Variants in CPNE8 observed in about 807,000 individuals in gnomAD.
The protein encoded by CPNE8 is copine-8.
Under a neutral mutation model 81.5 loss-of-function variants are expected in CPNE8, and 45 were observed. That is an observed-to-expected ratio of 0.55 (90% CI 0.44 to 0.71). CPNE8 has a LOEUF of 0.71. Among genes scored for constraint, CPNE8 ranks in the 30% least tolerant of loss-of-function variants. The pLI is 0.00. For missense variants in CPNE8, 594 were observed against 672.1 expected, an observed-to-expected ratio of 0.88 and a Z score of 1.28; for synonymous variants, 252 against 226.3, an observed-to-expected ratio of 1.11 and a Z score of -1.02.
intron 6 of CPNE8, among the ~76,000 whole-genome samples, chr12:38,819,205 G>A (rs1313325459): frequency 6.6e-6 from 1 of 152,108 alleles, no homozygotes; most frequent in Non-Finnish European, 1.5e-5. Context: ...TGAAGTCTTT[G>A]CCCATGCCTA....
At chr12:38,822,343 ATACT>A (rs1943121082) in intron 6 of CPNE8, among the ~76,000 whole-genome samples, 1 of 152,204 alleles carries the variant, frequency 6.6e-6, no homozygotes, top group South Asian at 2.1e-4. Flanking sequence ...TATTTGGATA[ATACT>A]TACCACTTTA....
At chr12:38,803,688 T>G (rs1330818706) in intron 6 of CPNE8, among the ~76,000 whole-genome samples, 2 of 150,306 alleles carry the variant, frequency 1.3e-5, no homozygotes. Flanking sequence ...AAATAAAGGG[T>G]ATTCAATTAG....
chr12:38,873,115 C>T, intron 2 of CPNE8, 65 bp from the exon 3 acceptor site: 1 of 980,092 alleles, frequency 1.0e-6, no homozygotes, highest in Non-Finnish European at 1.6e-6. Flanking sequence ...TGAATGTATA[C>T]AATTTATTTT....
chr12:38,676,500 T>C (rs1939292949), intron 17 of CPNE8, among the ~76,000 whole-genome samples: 3 of 152,182 alleles, frequency 2.0e-5, no homozygotes, highest in Admixed American at 1.3e-4. Context: ...AAAATAGTAG[T>C]AGTACCATAA....
chr12:38,654,091 A>C (rs1938765338), intron 19 of CPNE8, 21 bp from the exon 20 acceptor site: 1 of 1,574,830 alleles, frequency 6.3e-7, no homozygotes. Flanking sequence ...GACGAAAGAA[A>C]GTTATTTCAC....
At chr12:38,788,766 AG>A (rs1451514752) in intron 6 of CPNE8, among the ~76,000 whole-genome samples, 1 of 151,904 alleles carries the variant, frequency 6.6e-6, no homozygotes, top group African/African-American at 2.4e-5. Context: ...AGTAAATTGA[AG>A]GATATAAAAT....
chr12:38,865,082 T>C (rs1176712420), intron 3 of CPNE8, among the ~76,000 whole-genome samples: 3 of 152,162 alleles, frequency 2.0e-5, no homozygotes, highest in Non-Finnish European at 4.4e-5. Context: ...TTCTGAACCA[T>C]AGTAATCATC....
intron 6 of CPNE8, among the ~76,000 whole-genome samples, chr12:38,806,989 C>T (rs945200023): frequency 4.0e-5 from 6 of 151,478 alleles, no homozygotes; most frequent in Non-Finnish European, 4.4e-5. Context: ...CATGAGTGAA[C>T]TCCCATTCAC....
intron 1 of CPNE8, among the ~76,000 whole-genome samples, chr12:38,883,369 A>T (rs1378851212): frequency 6.6e-6 from 1 of 152,246 alleles, no homozygotes; most frequent in Non-Finnish European, 1.5e-5. Context: ...ATCATTTCAG[A>T]GACTCTACAG....
At chr12:38,861,193 A>C (rs951283906) in intron 3 of CPNE8, among the ~76,000 whole-genome samples, 5 of 152,144 alleles carry the variant, frequency 3.3e-5, no homozygotes, top group African/African-American at 1.2e-4. Flanking sequence ...GTCAAACTTA[A>C]AGAAACAGCA....
intron 3 of CPNE8, among the ~76,000 whole-genome samples, chr12:38,866,899 C>A (rs1324077291): frequency 6.6e-6 from 1 of 152,058 alleles, no homozygotes; most frequent in Admixed American, 6.6e-5. Context: ...CGCTCTGTCA[C>A]CCAGGCTGGA....
At chr12:38,839,881 T>C (rs1311661390) in intron 5 of CPNE8, 35 bp downstream of exon 5, 2 of 1,516,240 alleles carry the variant, frequency 1.3e-6, no homozygotes, top group Non-Finnish European at 1.8e-6. Flanking sequence ...ATCATTGTAT[T>C]ATAATGTTAT....
intron 5 of CPNE8, among the ~76,000 whole-genome samples, chr12:38,835,932 G>A (rs1231171024): frequency 6.6e-6 from 1 of 152,018 alleles, no homozygotes; most frequent in African/African-American, 2.4e-5. Flanking sequence ...ATTTTGGATT[G>A]CCTTGTCTGT....
At chr12:38,817,550 A>T (rs1943045306) in intron 6 of CPNE8, among the ~76,000 whole-genome samples, 1 of 147,950 alleles carries the variant, frequency 6.8e-6, no homozygotes, top group South Asian at 2.2e-4. Flanking sequence ...TCAGTAAATG[A>T]TTCTGTATTA....
intron 6 of CPNE8, among the ~76,000 whole-genome samples, chr12:38,780,214 T>C (rs1303871875): frequency 6.6e-6 from 1 of 152,132 alleles, no homozygotes; most frequent in Non-Finnish European, 1.5e-5. Flanking sequence ...AAAAAATCAG[T>C]TGACTATATA....
intron 19 of CPNE8, among the ~76,000 whole-genome samples, chr12:38,657,302 C>T (rs749958435): frequency 6.6e-6 from 1 of 152,094 alleles, no homozygotes; most frequent in African/African-American, 2.4e-5. Context: ...GATCGACCTG[C>T]GAGGCTGCAG....
rs943853345 is a variant in CPNE8 at position 38,849,352 on chromosome 12, C to T, written c.187-690G>A. On this transcript the variant is annotated intron_variant, in intron 3 of 19. Transcript: ENST00000331366. ...GAAAGAAGGCCATTTGGCACTTCTCCCAAAGATAGAGCACAAATATAAAAT... is the reference window on the plus strand; with the variant it reads ...GAAAGAAGGCCATTTGGCACTTCTCTCAAAGATAGAGCACAAATATAAAAT... 2.0e-5 allele frequency among the ~76,000 whole-genome samples: 3 copies of T among 152,142 alleles called. No individual in the cohort carries two copies. The South Asian group carries it at 6.2e-4, about 31-fold the overall frequency.
chr12:38,797,309 A>G (rs568348692), intron 6 of CPNE8, among the ~76,000 whole-genome samples: 1 of 152,288 alleles, frequency 6.6e-6, no homozygotes, highest in South Asian at 2.1e-4. Flanking sequence ...CAGTAGGGGC[A>G]GACTGACACC....
intron 11 of CPNE8, among the ~76,000 whole-genome samples, chr12:38,725,227 G>A (rs528580336): frequency 6.6e-6 from 1 of 152,116 alleles, no homozygotes; most frequent in African/African-American, 2.4e-5. Flanking sequence ...AAAAATGATG[G>A]GTTGTTAAAG....
Sources: allele counts gnomAD v4.1 joint callset (sites outside exome capture counted in the v4.1 genomes callset), GRCh38; gene constraint gnomAD v4.1.1; transcripts MANE v1.5; gene names NCBI Gene and HGNC (gene_info 2026-07-23, HGNC 2026-07-21).